The following DIPK1A variants were observed in gnomAD, a reference collection of about 807,000 sequenced individuals.
DIPK1A encodes family with sequence similarity 69 member A.
DIPK1A carries 27 observed loss-of-function variants against 40.8 expected under a neutral mutation model. That is an observed-to-expected ratio of 0.66 (90% CI 0.49 to 0.91). The LOEUF (loss-of-function observed/expected upper bound fraction) is 0.91, where lower values mean the gene tolerates loss of function less well. Ranked by LOEUF, DIPK1A falls within the 40% of genes least tolerant of loss-of-function variation. The probability of loss-of-function intolerance (pLI) is 0.00; values close to 1 mark genes in which losing one functional copy is unlikely to be tolerated. For missense variants in DIPK1A, 412 were observed against 505.7 expected (o/e 0.81, Z 1.78); for synonymous variants, 166 against 171.3 (o/e 0.97, Z 0.24).
chr1:92,844,062 AATTC>A lies in DIPK1A; in HGVS notation c.604_607del (p.Glu202PhefsTer5). 5 of 1,552,004 alleles carry A rather than the reference AATTC, an allele frequency of 3.2e-6. No individual in the cohort carries two copies. Among genetic ancestry groups the A allele is most frequent in the Non-Finnish European group, 3.5e-6 (4 of 1,147,054 alleles). On this transcript the variant is annotated frameshift_variant, in exon 5 of 5. Transcript: ENST00000370310. LOFTEE classifies it high-confidence loss of function. ...ATCTTGAAGTATCACCATGAGAAGA[AATTC>A]ATTCAGTTGAAGAAGTGCCCATGCC...
At chr1:92,884,484 G>A (rs1262967116) in intron 1 of DIPK1A, among the ~76,000 whole-genome samples, 2 of 151,858 alleles carry the variant, frequency 1.3e-5, no homozygotes, top group East Asian at 1.9e-4. Context: ...ACAACTCCTT[G>A]AGATATGGAT....
At chr1:92,854,012 G>A (rs112240358) in intron 2 of DIPK1A, among the ~76,000 whole-genome samples, 2,722 of 152,140 alleles carry the variant, frequency 0.018, 80 homozygotes, top group African/African-American at 0.061. Flanking sequence ...TCAGTCTCCC[G>A]AGTAGCTGGG....
At chr1:92,944,286 GA>G (rs1007078977) in intron 1 of DIPK1A, among the ~76,000 whole-genome samples, 2 of 152,140 alleles carry the variant, frequency 1.3e-5, no homozygotes, top group Non-Finnish European at 2.9e-5. Context: ...AGAGGAAAAA[GA>G]AGGGAGAAAC....
downstream of DIPK1A, chr1:92,840,126 G>A (rs187133053): frequency 9.1e-6 from 2 of 219,700 alleles, no homozygotes; most frequent in East Asian, 2.5e-4. Flanking sequence ...CTCACGTGTA[G>A]TCCTGTAGCT....
chr1:92,928,015 C>T (rs956009587), intron 1 of DIPK1A, among the ~76,000 whole-genome samples: 3 of 152,200 alleles, frequency 2.0e-5, no homozygotes, highest in African/African-American at 4.8e-5. Flanking sequence ...CTACATTTAA[C>T]TTCTTAAAAA....
At chr1:92,836,286 G>A in intron 4 of DIPK1A, 2 of 1,614,166 alleles carry the variant, frequency 1.2e-6, no homozygotes, top group South Asian at 2.2e-5. Flanking sequence ...TCAGCCAGGT[G>A]CCTTCACCTG....
chr1:92,846,837 A>ATGTGTG (rs1687635759), intron 4 of DIPK1A, among the ~76,000 whole-genome samples: 1 of 6,758 alleles, frequency 1.5e-4, no homozygotes, highest in African/African-American at 1.4e-3. Context: ...ATATATATAT[A>ATGTGTG]TATATGTGTG....
rs561538243 is a variant in DIPK1A at position 92,896,186 on chromosome 1, C to T, written c.55-19756G>A. Among the ~76,000 whole-genome samples the T allele has an allele frequency of 3.3e-3, 495 of 152,122 alleles. 4 individuals carry two copies. The highest frequency in any genetic ancestry group is 0.011 in the African/African-American group (468 of 41,508). Reference sequence around the variant, plus strand: ...GTTCATATGGAACCAAAAAAGAGCCCGCATTGCCAAGTCAATCCTAAGCCA... The same window carrying T: ...GTTCATATGGAACCAAAAAAGAGCCTGCATTGCCAAGTCAATCCTAAGCCA... On this transcript the variant is annotated intron_variant, in intron 1 of 4. Coordinates refer to ENST00000370310, the MANE Select transcript of DIPK1A (RefSeq NM_001006605.5).
intron 1 of DIPK1A, among the ~76,000 whole-genome samples, chr1:92,945,745 TCC>T (rs1392800538): frequency 6.6e-6 from 1 of 152,184 alleles, no homozygotes; most frequent in Non-Finnish European, 1.5e-5. Context: ...ATTTGAATGG[TCC>T]AGAACTCCAG....
In DIPK1A at chr1:92,948,628, A is replaced by AT. The variant is rs1024172453; in HGVS notation, c.54+12747dup. On this transcript the variant is annotated intron_variant, in intron 1 of 4. Coordinates refer to ENST00000370310, the MANE Select transcript of DIPK1A (RefSeq NM_001006605.5). ...ATTCATATATATATATTTATTTTAT[A>AT]TTTTTTTGTATTTAATATATATACG... is the stretch of plus-strand genomic sequence containing the variant. Among the ~76,000 whole-genome samples, 3 of 78,516 alleles carry AT rather than the reference A, an allele frequency of 3.8e-5. No individual in the cohort carries two copies. In the Admixed American group the frequency reaches 3.9e-4, roughly 10 times the overall value. The allele number at this position is 78,516 out of a possible 152,430, so 51.5% of individuals were successfully genotyped here.
At chr1:92,939,962 C>A (rs116050500) in intron 1 of DIPK1A, among the ~76,000 whole-genome samples, 5,263 of 138,830 alleles carry the variant, frequency 0.038, 264 homozygotes, top group African/African-American at 0.12. Flanking sequence ...AAAAAAAAAA[C>A]AACTATATTT....
intron 1 of DIPK1A, among the ~76,000 whole-genome samples, chr1:92,949,912 T>C (rs542920461): frequency 5.9e-5 from 9 of 152,318 alleles, no homozygotes; most frequent in Non-Finnish European, 1.2e-4. Flanking sequence ...TATTTTTTCC[T>C]CATCTGCTCT....
At chr1:92,872,398 T>TA (rs1208346935) in intron 2 of DIPK1A, among the ~76,000 whole-genome samples, 1 of 152,028 alleles carries the variant, frequency 6.6e-6, no homozygotes, top group East Asian at 1.9e-4. Flanking sequence ...CTTTTTTATA[T>TA]ATTACAATTC....
chr1:92,959,903 CTTTTTTTT>C (rs1157142089), intron 1 of DIPK1A, among the ~76,000 whole-genome samples: 4 of 47,892 alleles, frequency 8.4e-5, no homozygotes, highest in African/African-American at 4.4e-4. Context: ...ACCCAACCAA[CTTTTTTTT>C]TTTTTTTTTT....
At chr1:92,935,914 A>G (rs953733990) in intron 1 of DIPK1A, among the ~76,000 whole-genome samples, 2 of 151,966 alleles carry the variant, frequency 1.3e-5, no homozygotes, top group African/African-American at 4.8e-5. Context: ...CTCTACAAAA[A>G]ATAGGAAGAT....
Position 92,867,694 on chromosome 1 carries a change from T to C in DIPK1A, c.189+8602A>G, listed in dbSNP as rs564984714. ...CTAATTTTTGTATTTTTAGTAGAGA[T>C]GGGGTTTCACCATGTTGGCCGGGCT... On this transcript the variant is annotated intron_variant, in intron 2 of 4. Coordinates refer to ENST00000370310, the MANE Select transcript of DIPK1A (RefSeq NM_001006605.5). Among the ~76,000 whole-genome samples the C allele has an allele frequency of 2.4e-4, 37 of 152,200 alleles. No homozygotes were observed. The Middle Eastern group carries it at 0.017, about 70-fold the overall frequency.
At chr1:92,859,663 T>A (rs1688104073) in intron 2 of DIPK1A, among the ~76,000 whole-genome samples, 1 of 152,158 alleles carries the variant, frequency 6.6e-6, no homozygotes, top group African/African-American at 2.4e-5. Flanking sequence ...ATTGGTCAAT[T>A]TCTGAGACTT....
intron 1 of DIPK1A, among the ~76,000 whole-genome samples, chr1:92,937,382 G>A (rs916894481): frequency 1.3e-5 from 2 of 152,138 alleles, no homozygotes; most frequent in African/African-American, 2.4e-5. Context: ...TACCTTGCAA[G>A]TATTACTTCA....
intron 1 of DIPK1A, among the ~76,000 whole-genome samples, chr1:92,894,816 G>C (rs1571101142): frequency 6.6e-6 from 1 of 152,154 alleles, no homozygotes; most frequent in East Asian, 1.9e-4. Flanking sequence ...AAATGATAAA[G>C]GGGATATCAC....
Sources: gnomAD v4.1 joint callset for allele counts (sites outside exome capture counted in the v4.1 genomes callset) on GRCh38, gnomAD v4.1.1 for gene constraint, MANE v1.5 for transcripts, NCBI Gene and HGNC (gene_info 2026-07-23, HGNC 2026-07-21) for gene names.